The following GPATCH8 variants were observed in gnomAD, a reference collection of about 807,000 sequenced individuals.
The protein encoded by GPATCH8 is G-patch domain containing 8, also known as G patch domain-containing protein 8.
A neutral mutation model predicts 118.3 loss-of-function variants in GPATCH8; 18 were observed. The observed-to-expected ratio is 0.15, with a 90% CI of 0.11 to 0.23. The LOEUF (loss-of-function observed/expected upper bound fraction) is 0.23, where lower values mean the gene tolerates loss of function less well. Ranked by LOEUF, GPATCH8 falls within the 10% of genes least tolerant of loss-of-function variation. GPATCH8 has a pLI of 1.00. For synonymous variants in GPATCH8, 659 were observed against 684.7 expected (o/e 0.96, Z 0.59); for missense variants, 1,631 against 1,873.8 (o/e 0.87, Z 2.39).
At chr17:44,486,239 T>C (rs1968772114) in intron 1 of GPATCH8, 1 of 152,160 alleles carries the variant, frequency 6.6e-6, no homozygotes, top group Admixed American at 6.5e-5. Flanking sequence ...CATTCCCCTT[T>C]CTCCATTTTT....
At position 44,396,121 on chromosome 17, in the gene GPATCH8, C is replaced by T. The variant is rs1002581559; in HGVS notation, c.*1447G>A. The T allele has an allele frequency of 1.1e-5, 5 of 454,348 alleles. No homozygotes were observed. The highest frequency in any genetic ancestry group is 4.0e-5 in the African/African-American group (2 of 49,912). 28.1% of individuals were successfully genotyped at this position (454,348 alleles called of 1,614,324 possible). On this transcript the variant is annotated 3_prime_UTR_variant, in exon 8 of 8. Transcript: ENST00000591680. Reference sequence around the variant, plus strand: ...TCATCCTCCAGCCTACTTCTACTTCCGTTTCTACCAACCCAAAAGGCACAT... The same window carrying T: ...TCATCCTCCAGCCTACTTCTACTTCTGTTTCTACCAACCCAAAAGGCACAT...
intron 6 of GPATCH8, among the ~76,000 whole-genome samples, chr17:44,417,552 A>G (rs907400369): frequency 3.3e-5 from 5 of 152,172 alleles, no homozygotes; most frequent in Admixed American, 6.5e-5. Context: ...ACAGTACCAG[A>G]TTTTGATAAT....
intron 2 of GPATCH8, among the ~76,000 whole-genome samples, chr17:44,471,220 C>T (rs1054149554): frequency 6.6e-6 from 1 of 152,136 alleles, no homozygotes; most frequent in Non-Finnish European, 1.5e-5. Flanking sequence ...AAATGCTTTA[C>T]AAATACTGGA....
At chr17:44,492,593 C>CA (rs879332613) in intron 1 of GPATCH8, among the ~76,000 whole-genome samples, 25 of 142,870 alleles carry the variant, frequency 1.7e-4, no homozygotes, top group Admixed American at 3.5e-4. Flanking sequence ...AAACTAAGGA[C>CA]AAAAAAAAAA....
rs530373914 is a variant in GPATCH8, at chr17:44,466,338, G to A, written c.121-1794C>T. Among the ~76,000 whole-genome samples the A allele has an allele frequency of 1.1e-3, 167 of 152,148 alleles. 1 individual carries two copies. The highest frequency in any genetic ancestry group is 1.7e-3 in the Non-Finnish European group (118 of 67,992). ...GCAAAAACTGGAGGCAAATTATAAC[G>A]AAAAATTTGTTTCTAAAACAAAACA... On this transcript the variant is annotated intron_variant, in intron 2 of 7. Transcript: ENST00000591680.
At chr17:44,465,918 G>A (rs555456392) in intron 2 of GPATCH8, 1 of 152,252 alleles carries the variant, frequency 6.6e-6, no homozygotes, top group South Asian at 2.1e-4. Flanking sequence ...TGCTCTGTTT[G>A]TTTGTTTGTT....
chr17:44,429,913 C>A (rs2050242291), intron 5 of GPATCH8, among the ~76,000 whole-genome samples: 1 of 152,004 alleles, frequency 6.6e-6, no homozygotes, highest in Non-Finnish European at 1.5e-5. Context: ...CCTGTAATCC[C>A]AGCTACTTGG....
intron 1 of GPATCH8, among the ~76,000 whole-genome samples, chr17:44,499,910 A>C (rs1177752008): frequency 6.6e-6 from 1 of 152,110 alleles, no homozygotes; most frequent in African/African-American, 2.4e-5. Context: ...AAAAAAAAAA[A>C]AAACACTTAA....
At chr17:44,502,533 C>A (rs577123989) in intron 1 of GPATCH8, among the ~76,000 whole-genome samples, 1 of 152,302 alleles carries the variant, frequency 6.6e-6, no homozygotes, top group South Asian at 2.1e-4. Context: ...CTCAATAGAG[C>A]TTGCCATCGT....
At chr17:44,450,338 G>A (rs926705274) in intron 3 of GPATCH8, among the ~76,000 whole-genome samples, 5 of 152,114 alleles carry the variant, frequency 3.3e-5, no homozygotes, top group African/African-American at 1.2e-4. Context: ...ATAATCTTAG[G>A]TGGCAACAAT....
intron 1 of GPATCH8, among the ~76,000 whole-genome samples, chr17:44,487,837 G>T (rs1333852938): frequency 1.3e-5 from 2 of 151,822 alleles, no homozygotes; most frequent in Admixed American, 1.3e-4. Flanking sequence ...ATTAGTGATT[G>T]CTGTTAATAT....
intron 7 of GPATCH8, among the ~76,000 whole-genome samples, chr17:44,405,079 T>C (rs2049167684): frequency 6.6e-6 from 1 of 152,186 alleles, no homozygotes; most frequent in Non-Finnish European, 1.5e-5. Flanking sequence ...TAATAAATGT[T>C]TGAGATGATG....
intron 5 of GPATCH8, 52 bp from the exon 6 acceptor site, chr17:44,424,544 T>A: frequency 7.6e-7 from 1 of 1,312,382 alleles, no homozygotes; most frequent in Non-Finnish European, 1.1e-6. Flanking sequence ...GGTAAAACTT[T>A]AAGTGAATGT....
rs139406585 is a variant in GPATCH8, at chr17:44,410,347, C to T, written c.493-4296G>A. 1.8e-3 allele frequency among the ~76,000 whole-genome samples: 267 copies of T among 152,246 alleles called. 1 individual carries two copies. Among genetic ancestry groups the T allele is most frequent in the African/African-American group, 6.2e-3 (257 of 41,542 alleles). Reference sequence around the variant, plus strand: ...TGCCTGCCTATGAGAGAAGAGACAGCGCTCACAAGACCAAACACTGCAGAT... The same window carrying T: ...TGCCTGCCTATGAGAGAAGAGACAGTGCTCACAAGACCAAACACTGCAGAT... On this transcript the variant is annotated intron_variant, in intron 6 of 7. Transcript: ENST00000591680.
rs755380635 is a variant in GPATCH8 at position 44,398,378 on chromosome 17, G to A, written c.3699C>T (p.Tyr1233=). The A allele has an allele frequency of 7.4e-6, 12 of 1,614,050 alleles. No individual in the cohort carries two copies. In the South Asian group the frequency reaches 1.2e-4, roughly 16 times the overall value. ...TATGGGAGATGGTTGGGTCCCCAGGGTAGCAGTCAGAATGTGCTGGGGTGC... is the reference window on the plus strand; with the variant it reads ...TATGGGAGATGGTTGGGTCCCCAGGATAGCAGTCAGAATGTGCTGGGGTGC... ...PLGTPAHSDC[Y]PGDPTISHNY... Residue 1233 remains tyrosine, a synonymous_variant, in exon 8 of 8, where the codon TAC becomes TAT. Transcript: ENST00000591680.
intron 6 of GPATCH8, among the ~76,000 whole-genome samples, chr17:44,421,103 T>A (rs765967385): frequency 6.6e-6 from 1 of 152,016 alleles, no homozygotes; most frequent in African/African-American, 2.4e-5. Context: ...CTGCCCGCCT[T>A]GGCCTTCCAA....
intron 3 of GPATCH8, among the ~76,000 whole-genome samples, chr17:44,462,932 G>A (rs1276555740): frequency 6.6e-6 from 1 of 152,032 alleles, no homozygotes; most frequent in African/African-American, 2.4e-5. Flanking sequence ...AATGAGCCGA[G>A]ATCGCGCCGC....
rs766144655 is a variant in GPATCH8, at chr17:44,401,153, A to G, written c.924T>C (p.Ala308=). The change falls in exon 8 of 8, where the codon GCT becomes GCC. Residue 308 remains alanine, a synonymous_variant. Coordinates refer to ENST00000591680, the MANE Select transcript of GPATCH8 (RefSeq NM_001002909.4). ...ATGCTATTGATTCGAGTTTGACAGG[A>G]GCCTTTTTGGCAAAAGAAAATGACA... ...LGVSFSFAKK[A]PVKLESIASV... The G allele has an allele frequency of 1.2e-6, 2 of 1,613,998 alleles. No homozygotes were observed.
At chr17:44,443,211 C>T (rs1234461451) in intron 3 of GPATCH8, among the ~76,000 whole-genome samples, 3 of 152,102 alleles carry the variant, frequency 2.0e-5, no homozygotes, top group African/African-American at 7.2e-5. Context: ...AAAAAAATTA[C>T]GCAGGTGATT....
Sources: gnomAD v4.1 joint callset for allele counts (sites outside exome capture counted in the v4.1 genomes callset) on GRCh38, gnomAD v4.1.1 for gene constraint, MANE v1.5 for transcripts, NCBI Gene and HGNC (gene_info 2026-07-23, HGNC 2026-07-21) for gene names.